Variants in HMCN1 observed in about 807,000 individuals in gnomAD.
HMCN1 encodes the protein hemicentin-1.
In HMCN1, 321 loss-of-function variants were observed where a neutral mutation model predicts 625.9. The ratio of observed to expected loss-of-function variants is 0.51; its 90% CI spans 0.47 to 0.56. The LOEUF (loss-of-function observed/expected upper bound fraction) is 0.56. Among genes scored for constraint, HMCN1 ranks in the 20% least tolerant of loss-of-function variants. The pLI is 0.00. For missense variants in HMCN1, 6,588 were observed against 6,887.3 expected (o/e 0.96, Z 1.54); for synonymous variants, 2,425 against 2,417.6 (o/e 1.00, Z -0.09).
chr1:186,099,771 T>A (rs1660303190), intron 68 of HMCN1, among the ~76,000 whole-genome samples: 1 of 152,056 alleles, frequency 6.6e-6, no homozygotes, highest in Non-Finnish European at 1.5e-5. Context: ...GTAATACAAT[T>A]TGAATTGTCA....
intron 70 of HMCN1, among the ~76,000 whole-genome samples, chr1:186,108,091 AT>A (rs1660706099): frequency 6.8e-6 from 1 of 147,948 alleles, no homozygotes; most frequent in Non-Finnish European, 1.5e-5. Context: ...GTATATTATG[AT>A]GGGCACTCCC....
At chr1:186,091,006 A>C (rs1659812601) in intron 64 of HMCN1, 89 bp downstream of exon 64, 3 of 1,386,370 alleles carry the variant, frequency 2.2e-6, no homozygotes, top group Non-Finnish European at 3.0e-6. Context: ...ATAATACCGA[A>C]TTCCATCCCA....
At chr1:185,865,259 A>G (rs1044998246) in intron 3 of HMCN1, among the ~76,000 whole-genome samples, 2 of 152,214 alleles carry the variant, frequency 1.3e-5, no homozygotes, top group African/African-American at 4.8e-5. Flanking sequence ...GCAAATGGAA[A>G]TACACAAGCC....
chr1:186,174,376 C>A, intron 102 of HMCN1, 138 bp from the exon 103 acceptor site: 1 of 973,838 alleles, frequency 1.0e-6, no homozygotes, highest in Non-Finnish European at 1.6e-6. Flanking sequence ...TTTCTGATTC[C>A]AAGTTGTAAG....
Position 186,182,231 on chromosome 1 carries a change from A to T in HMCN1, c.16358A>T (p.Tyr5453Phe), listed in dbSNP as rs754238677. Residue 5453 changes from tyrosine to phenylalanine, a missense_variant, in exon 105 of 107, where the codon TAT becomes TTT. Tyr to Phe is a conservative substitution (Grantham distance 22). Coordinates refer to ENST00000271588, the MANE Select transcript of HMCN1 (RefSeq NM_031935.3). ...QHECKNTFGSYQCICPPGYQL... is the reference protein window; with the variant it reads ...QHECKNTFGSFQCICPPGYQL... ...GAGTGTAAGAATACCTTTGGAAGTT[A>T]TCAGTGCATCTGCCCACCTGGCTAT... is the stretch of plus-strand genomic sequence containing the variant. 1 of 1,613,530 alleles carries T rather than the reference A, an allele frequency of 6.2e-7. No homozygotes were observed. The highest frequency in any genetic ancestry group is 8.5e-7 in the Non-Finnish European group (1 of 1,179,512).
intron 97 of HMCN1, among the ~76,000 whole-genome samples, chr1:186,158,628 G>A (rs1274282885): frequency 6.6e-6 from 1 of 152,096 alleles, no homozygotes; most frequent in African/African-American, 2.4e-5. Flanking sequence ...TGTAAGGAAG[G>A]GATCCAGTTT....
rs1657141040 is a variant in HMCN1 at position 186,053,974 on chromosome 1, C to T, written c.6850C>T (p.Leu2284=). ...TGGGACTGCAAAGAAAGAATACAAT[C>T]TGCAAGTTTACAGTAAGTTGTTGAT... The part of the protein sequence containing the change: ...VAGTAKKEYN[L]QVYIRPTITN... Residue 2284 remains leucine, a synonymous_variant, in exon 44 of 107, where the codon CTG becomes TTG. Transcript: ENST00000271588. The T allele has an allele frequency of 3.7e-6, 6 of 1,612,394 alleles. No individual in the cohort carries two copies. The highest frequency in any genetic ancestry group is 5.1e-6 in the Non-Finnish European group (6 of 1,179,076).
At chr1:185,835,011 T>C (rs1176666231) in intron 1 of HMCN1, among the ~76,000 whole-genome samples, 2 of 152,226 alleles carry the variant, frequency 1.3e-5, no homozygotes, top group Non-Finnish European at 2.9e-5. Context: ...TAACATAACT[T>C]GACGACAGTA....
At chr1:185,807,475 A>T (rs938664643) in intron 1 of HMCN1, among the ~76,000 whole-genome samples, 6 of 152,210 alleles carry the variant, frequency 3.9e-5, no homozygotes, top group Non-Finnish European at 8.8e-5. Context: ...ACATATTCAC[A>T]TATGGTTATA....
At chr1:186,073,440 A>C (rs1658596663) in intron 52 of HMCN1, among the ~76,000 whole-genome samples, 1 of 152,112 alleles carries the variant, frequency 6.6e-6, no homozygotes, top group African/African-American at 2.4e-5. Flanking sequence ...CAAATGTAGA[A>C]ATGTAGAGGT....
At position 186,128,147 on chromosome 1, in the gene HMCN1, C is replaced by T. The variant is rs1274474217; in HGVS notation, c.12760C>T (p.Leu4254=). The stretch of plus-strand genomic sequence containing the variant: ...AGGTGAAGATACACACACTGTCAGC[C>T]TGACTGTGCATGTTCTCCCCACTTT... ...AAGEDTHTVS[L]TVHVLPTFTE... Residue 4254 remains leucine, a synonymous_variant, in exon 83 of 107, where the codon CTG becomes TTG. Transcript: ENST00000271588. 6.2e-7 allele frequency: 1 copy of T among 1,613,624 alleles called. No homozygotes were observed. Among genetic ancestry groups the T allele is most frequent in the East Asian group, 2.2e-5 (1 of 44,848 alleles).
At chr1:185,899,515 A>G (rs1665684658) in intron 4 of HMCN1, among the ~76,000 whole-genome samples, 1 of 152,122 alleles carries the variant, frequency 6.6e-6, no homozygotes, top group African/African-American at 2.4e-5. Flanking sequence ...ACTTGAGGTA[A>G]CTCTTTATAA....
intron 15 of HMCN1, among the ~76,000 whole-genome samples, chr1:185,974,234 A>G (rs1651037143): frequency 6.6e-6 from 1 of 152,186 alleles, no homozygotes; most frequent in African/African-American, 2.4e-5. Context: ...GAAATTAACC[A>G]TAGATACATT....
chr1:186,175,282 TCTTC>T (rs555676984), intron 103 of HMCN1, among the ~76,000 whole-genome samples: 284 of 152,348 alleles, frequency 1.9e-3, no homozygotes, highest in Non-Finnish European at 3.2e-3. Flanking sequence ...CAAATTGTAG[TCTTC>T]CTTAGAATAT....
At chr1:186,174,487 T>A in intron 102 of HMCN1, 27 bp from the exon 103 acceptor site, 1 of 1,612,776 alleles carries the variant, frequency 6.2e-7, no homozygotes, top group African/African-American at 1.3e-5. Context: ...GAGGAAATGT[T>A]ACTTCTCATT....
chr1:185,999,953 T>G (rs1422017919), intron 25 of HMCN1, 92 bp from the exon 26 acceptor site: 3 of 875,760 alleles, frequency 3.4e-6, no homozygotes, highest in Non-Finnish European at 5.3e-6. Context: ...ATTATTGTCA[T>G]AACAAAAACT....
chr1:185,796,347 T>A (rs1220794121), intron 1 of HMCN1, among the ~76,000 whole-genome samples: 1 of 152,160 alleles, frequency 6.6e-6, no homozygotes, highest in East Asian at 1.9e-4. Flanking sequence ...CGGACTGGTA[T>A]GGGTCCATGG....
In HMCN1 at chr1:186,123,163, T is replaced by G; in HGVS notation, c.12442T>G (p.Cys4148Gly). ...GCCTGGTGATGCTGGCCATTACACGTGCATGGCAGCCAATGTAGCAGGATC... is the reference window on the plus strand; with the variant it reads ...GCCTGGTGATGCTGGCCATTACACGGGCATGGCAGCCAATGTAGCAGGATC... Reference protein sequence around the residue: ...VQPGDAGHYTCMAANVAGSSS... With the variant: ...VQPGDAGHYTGMAANVAGSSS... Residue 4148 changes from cysteine (C) to glycine (G), a missense_variant, in exon 81 of 107, where the codon TGC becomes GGC. This residue lies in a region of HMCN1 where 1,954 missense variants were observed against 2,013.1 expected (regional missense o/e 0.97). Coordinates refer to ENST00000271588, the MANE Select transcript of HMCN1 (RefSeq NM_031935.3). 8 of 1,614,006 alleles carry G rather than the reference T, an allele frequency of 5.0e-6. No homozygotes were observed. The highest frequency in any genetic ancestry group is 6.8e-6 in the Non-Finnish European group (8 of 1,179,964).
At chr1:185,831,307 A>T (rs1660846489) in intron 1 of HMCN1, among the ~76,000 whole-genome samples, 1 of 152,172 alleles carries the variant, frequency 6.6e-6, no homozygotes, top group Non-Finnish European at 1.5e-5. Context: ...AATATATATA[A>T]AAGGCATTTA....
Sources: gnomAD v4.1 joint callset for allele counts (sites outside exome capture counted in the v4.1 genomes callset) on GRCh38, gnomAD v4.1.1 for gene constraint, gnomAD v4.1.1 regional missense constraint, MANE v1.5 for transcripts, NCBI Gene and HGNC (gene_info 2026-07-23, HGNC 2026-07-21) for gene names.